The following SHLD2 variants were observed in gnomAD, a reference collection of about 807,000 sequenced individuals.
The protein encoded by SHLD2 is RINN1-REV7-interacting novel NHEJ regulator 2.
In SHLD2, 30 loss-of-function variants were observed where a neutral mutation model predicts 73.2. The observed-to-expected ratio is 0.41, with a 90% CI of 0.31 to 0.56. The LOEUF is 0.56. Among genes scored for constraint, SHLD2 ranks in the 20% least tolerant of loss-of-function variants. The probability of loss-of-function intolerance (pLI) is 0.28; values close to 1 mark genes in which losing one functional copy is unlikely to be tolerated. For missense variants in SHLD2, 745 were observed against 1,055.9 expected (o/e 0.71, Z 4.08); for synonymous variants, 285 against 370.1 (o/e 0.77, Z 2.64).
chr10:87,125,131 C>A (rs1220474325), intron 2 of SHLD2, among the ~76,000 whole-genome samples: 2 of 152,056 alleles, frequency 1.3e-5, no homozygotes, highest in African/African-American at 4.8e-5. Context: ...AGAAATAATG[C>A]CTTTGGAGTA....
rs577907776 is a variant in SHLD2 at position 87,137,324 on chromosome 10, A to G, written c.-5-14026A>G. 2.9e-3 allele frequency among the ~76,000 whole-genome samples: 444 copies of G among 152,232 alleles called. 3 individuals carry two copies. Among genetic ancestry groups the G allele is most frequent in the Non-Finnish European group, 2.8e-3 (189 of 68,028 alleles). On this transcript the variant is annotated intron_variant, in intron 2 of 9. Transcript: ENST00000298786. ...AAGAACCAAGTTGAAATTCCATTAA[A>G]TAGAGGTGAAAAATATACTAGCAGA...
chr10:87,147,890 CAG>C (rs1845735731), intron 2 of SHLD2, among the ~76,000 whole-genome samples: 1 of 148,450 alleles, frequency 6.7e-6, no homozygotes, highest in Non-Finnish European at 1.5e-5. Flanking sequence ...TTTTTTGAGA[CAG>C]AGTCACCCAG....
chr10:87,189,176 T>A (rs967538577), intron 9 of SHLD2, among the ~76,000 whole-genome samples: 11 of 152,198 alleles, frequency 7.2e-5, no homozygotes, highest in Non-Finnish European at 1.3e-4. Flanking sequence ...TAATTTTGTA[T>A]TTTTAGTAGA....
At chr10:87,133,616 C>G (rs945409863) in intron 2 of SHLD2, among the ~76,000 whole-genome samples, 1 of 152,146 alleles carries the variant, frequency 6.6e-6, no homozygotes, top group African/African-American at 2.4e-5. Context: ...ATCTGTAATT[C>G]CTGCTTAGAA....
intron 6 of SHLD2, among the ~76,000 whole-genome samples, chr10:87,174,989 C>T (rs1272010901): frequency 6.6e-6 from 1 of 151,902 alleles, no homozygotes; most frequent in Non-Finnish European, 1.5e-5. Context: ...TGGTGGCGGG[C>T]GCCTGTAGTC....
intron 2 of SHLD2, among the ~76,000 whole-genome samples, chr10:87,133,384 A>T (rs528545584): frequency 6.6e-6 from 1 of 151,748 alleles, no homozygotes; most frequent in East Asian, 1.9e-4. Context: ...TTTCCTTCTT[A>T]CTTATTTCTG....
intron 2 of SHLD2, among the ~76,000 whole-genome samples, chr10:87,141,984 T>C (rs1845226627): frequency 6.6e-6 from 1 of 151,020 alleles, no homozygotes; most frequent in African/African-American, 2.4e-5. Flanking sequence ...TGAGCTGAGA[T>C]TGCGCCATCG....
intron 2 of SHLD2, among the ~76,000 whole-genome samples, chr10:87,112,188 A>T (rs531566421): frequency 1.3e-5 from 2 of 151,298 alleles, no homozygotes; most frequent in African/African-American, 4.9e-5. Context: ...CAGTGAATGG[A>T]GATTGCACCA....
intron 3 of SHLD2, among the ~76,000 whole-genome samples, chr10:87,157,382 A>G (rs1184733721): frequency 1.3e-5 from 2 of 152,136 alleles, no homozygotes; most frequent in Non-Finnish European, 2.9e-5. Context: ...CCTGCCTTAG[A>G]GATAGCTCCC....
intron 2 of SHLD2, among the ~76,000 whole-genome samples, chr10:87,135,984 A>G (rs1387862345): frequency 6.6e-6 from 1 of 151,674 alleles, no homozygotes; most frequent in East Asian, 1.9e-4. Context: ...CGCAGCCTAC[A>G]CTTAAGGCAT....
chr10:87,094,870 T>C (rs1841694042), upstream of SHLD2: 3 of 880,206 alleles, frequency 3.4e-6, no homozygotes, highest in Non-Finnish European at 5.0e-6. This position sits in a 1 kb window ranked among gnomAD's most constrained non-coding sequence, Gnocchi z 6.6. Flanking sequence ...GTTGCCCTTT[T>C]AAGCCGCAGC....
At chr10:87,158,276 T>C (rs1846578018) in intron 4 of SHLD2, 121 bp downstream of exon 4, 5 of 915,434 alleles carry the variant, frequency 5.5e-6, no homozygotes, top group Non-Finnish European at 7.9e-6. Flanking sequence ...AGAGTATTGG[T>C]TTCTTTTCAT....
chr10:87,098,771 G>GT (rs11411948), intron 2 of SHLD2, among the ~76,000 whole-genome samples: 9,433 of 151,690 alleles, frequency 0.062, 606 homozygotes, highest in African/African-American at 0.17. Context: ...GCAAAGTAAG[G>GT]TTTTTTTTTA....
At position 87,138,155 on chromosome 10, in the gene SHLD2, G is replaced by A. The variant is rs1489269289; in HGVS notation, c.-5-13195G>A. 6.6e-5 allele frequency among the ~76,000 whole-genome samples: 10 copies of A among 151,932 alleles called. No homozygotes were observed. In the South Asian group the frequency reaches 1.2e-3, roughly 19 times the overall value. ...TCTACTAAAAATACAAAAATTAGCC[G>A]GGTGTGGCGGTGCACACCTGTAGTC... On this transcript the variant is annotated intron_variant, in intron 2 of 9. Transcript: ENST00000298786.
intron 4 of SHLD2, among the ~76,000 whole-genome samples, chr10:87,163,861 A>G (rs528186137): frequency 6.6e-6 from 1 of 152,008 alleles, no homozygotes; most frequent in East Asian, 1.9e-4. Context: ...CTGTCCATTG[A>G]GCGAGCACAG....
chr10:87,169,644 G>A (rs953273411), intron 4 of SHLD2, among the ~76,000 whole-genome samples: 1 of 151,202 alleles, frequency 6.6e-6, no homozygotes, highest in African/African-American at 2.4e-5. Flanking sequence ...AATCAATCAC[G>A]TACTCAAGCA....
chr10:87,187,000 G>A, intron 8 of SHLD2, 85 bp from the exon 9 acceptor site: 1 of 846,262 alleles, frequency 1.2e-6, no homozygotes, highest in Non-Finnish European at 1.9e-6. Context: ...TAAAAACCAA[G>A]TGCTTTTTGG....
chr10:87,117,360 G>C (rs551068683), intron 2 of SHLD2, among the ~76,000 whole-genome samples: 1 of 152,118 alleles, frequency 6.6e-6, no homozygotes, highest in African/African-American at 2.4e-5. Flanking sequence ...TGGAAGTTTC[G>C]GTGAGCCGAG....
In SHLD2 at chr10:87,180,274, G is replaced by A. The variant is rs532692596; in HGVS notation, c.2370G>A (p.Leu790=). ...NRIYKQCFSC[L]PFTMKKIYYR... is the part of the protein sequence containing the mutation. ...TCTACAAACAATGTTTTAGCTGCTT[G>A]CCATTTACTATGAAGAAAATATATT... The change falls in exon 8 of 10, where the codon TTG becomes TTA. Residue 790 remains leucine, a synonymous_variant. Coordinates refer to ENST00000298786, the MANE Select transcript of SHLD2 (RefSeq NM_001330112.2). 11 of 1,611,024 alleles carry A rather than the reference G, an allele frequency of 6.8e-6. No individual in the cohort carries two copies. The highest frequency in any genetic ancestry group is 1.3e-5 in the African/African-American group (1 of 74,768).
Sources: allele counts gnomAD v4.1 joint callset (sites outside exome capture counted in the v4.1 genomes callset), GRCh38; gene constraint gnomAD v4.1.1; non-coding constraint Gnocchi (gnomAD v3.1); transcripts MANE v1.5; gene names NCBI Gene and HGNC (gene_info 2026-07-23, HGNC 2026-07-21).